PSPH: variants seen among roughly 807,000 people sequenced by gnomAD.
PSPH encodes phosphoserine phosphatase, also known as L-3-phosphoserine phosphatase.
Under a neutral mutation model 23.4 loss-of-function variants are expected in PSPH, and 16 were observed. The observed-to-expected ratio is 0.68, with a 90% CI of 0.46 to 1.04. The LOEUF (loss-of-function observed/expected upper bound fraction) is 1.04. Among genes scored for constraint, PSPH ranks in the 50% least tolerant of loss-of-function variants. PSPH has a pLI of 0.00. For missense variants in PSPH, 223 were observed against 273.7 expected (o/e 0.81, Z 1.31); for synonymous variants, 68 against 99.7 (o/e 0.68, Z 1.89).
intron 1 of PSPH, among the ~76,000 whole-genome samples, chr7:56,042,218 C>CAAA (rs34436132): frequency 0.025 from 1,638 of 66,380 alleles, 32 homozygotes; most frequent in Admixed American, 0.068. Context: ...GATTCTGTCT[C>CAAA]AAAAAAAAAA....
At chr7:56,032,462 C>T (rs1791138485) in intron 2 of PSPH, among the ~76,000 whole-genome samples, 1 of 148,586 alleles carries the variant, frequency 6.7e-6, no homozygotes, top group East Asian at 2.0e-4. Flanking sequence ...TCAGGACCAT[C>T]CTGGCTAACA....
intron 7 of PSPH, among the ~76,000 whole-genome samples, chr7:56,012,384 G>A (rs1377489357): frequency 2.6e-5 from 4 of 151,872 alleles, no homozygotes; most frequent in African/African-American, 9.7e-5. Flanking sequence ...GTTTTGCCAC[G>A]TTGCTCAGCT....
chr7:56,049,956 G>A (rs988569499), intron 1 of PSPH, among the ~76,000 whole-genome samples: 2 of 151,876 alleles, frequency 1.3e-5, no homozygotes, highest in Middle Eastern at 3.2e-3. Flanking sequence ...GGATGGTCTT[G>A]AACTCCTGAC....
intron 1 of PSPH, among the ~76,000 whole-genome samples, chr7:56,042,982 A>C (rs777596704): frequency 1.2e-4 from 18 of 152,184 alleles, no homozygotes; most frequent in Non-Finnish European, 2.5e-4. Flanking sequence ...AAAAAATGAT[A>C]GTTGGCGGGG....
chr7:56,013,603 C>G (rs1459692875), intron 7 of PSPH, among the ~76,000 whole-genome samples: 2 of 151,984 alleles, frequency 1.3e-5, no homozygotes, highest in Non-Finnish European at 2.9e-5. Context: ...CAGTGGCACA[C>G]ACCTGTAATC....
intron 3 of PSPH, among the ~76,000 whole-genome samples, chr7:56,027,211 CAA>C (rs11322718): frequency 0.012 from 1,379 of 115,412 alleles, 10 homozygotes; most frequent in Middle Eastern, 0.024. Context: ...GTCTCAAAAA[CAA>C]AAAAAAAAAA....
intron 1 of PSPH, among the ~76,000 whole-genome samples, chr7:56,040,497 G>C (rs1433881897): frequency 1.3e-5 from 2 of 152,028 alleles, no homozygotes; most frequent in African/African-American, 4.8e-5. Context: ...GGGTTCAAGC[G>C]ATGGGATTTT....
chr7:56,028,658 G>C (rs1424102943), intron 3 of PSPH, among the ~76,000 whole-genome samples: 4 of 152,062 alleles, frequency 2.6e-5, no homozygotes, highest in African/African-American at 9.7e-5. Flanking sequence ...GGTCAGGCCA[G>C]GGGAGATGGC....
intron 1 of PSPH, among the ~76,000 whole-genome samples, chr7:56,034,549 T>C (rs1791466446): frequency 6.6e-6 from 1 of 152,144 alleles, no homozygotes; most frequent in African/African-American, 2.4e-5. Context: ...GGAGTCTCGC[T>C]CTGTCGCCTG....
At chr7:56,022,279 A>G (rs1023587407) in intron 3 of PSPH, among the ~76,000 whole-genome samples, 2 of 152,036 alleles carry the variant, frequency 1.3e-5, no homozygotes, top group Admixed American at 6.6e-5. Flanking sequence ...AGCTGCAGTG[A>G]GCTGAGATCG....
chr7:56,014,901 C>T (rs1788380309), intron 7 of PSPH, 122 bp downstream of exon 7: 3 of 1,051,456 alleles, frequency 2.9e-6, no homozygotes, highest in Middle Eastern at 6.5e-4. Context: ...TGAGATCACG[C>T]CACTGCACTC....
chr7:56,041,858 G>A (rs1328469438), intron 1 of PSPH, among the ~76,000 whole-genome samples: 1 of 151,954 alleles, frequency 6.6e-6, no homozygotes, highest in Non-Finnish European at 1.5e-5. Context: ...GGGAGGCAGA[G>A]GTTGCAGTCA....
intron 1 of PSPH, among the ~76,000 whole-genome samples, chr7:56,050,364 C>G (rs1296673944): frequency 1.3e-5 from 2 of 152,126 alleles, no homozygotes; most frequent in African/African-American, 4.8e-5. Flanking sequence ...CTCCCAGATT[C>G]CAGCAATCCT....
chr7:56,050,417 C>A (rs1391352139), intron 1 of PSPH, among the ~76,000 whole-genome samples: 1 of 152,146 alleles, frequency 6.6e-6, no homozygotes, highest in South Asian at 2.1e-4. Context: ...AGACGTGCAC[C>A]ACCACGCCTG....
At position 56,011,892 on chromosome 7, in the gene PSPH, G is replaced by C. The variant is rs758582546; in HGVS notation, c.571-23C>G. 5.3e-5 allele frequency: 82 copies of C among 1,550,858 alleles called. 1 individual carries two copies. The Middle Eastern group carries it at 1.5e-3, about 29-fold the overall frequency. On this transcript the variant is annotated intron_variant, in intron 7 of 7. Transcript: ENST00000275605. ...ATCCTAAGAAGGAAGAAAAGAGAGA[G>C]AAATGATTTTTATTTTTATTTATTT...
chr7:56,048,882 T>C (rs183042107), intron 1 of PSPH, among the ~76,000 whole-genome samples: 2 of 151,656 alleles, frequency 1.3e-5, no homozygotes, highest in African/African-American at 4.8e-5. Flanking sequence ...CCATGGTGGT[T>C]TGCTGCACCC....
chr7:56,038,254 C>G (rs200777701), intron 1 of PSPH, among the ~76,000 whole-genome samples: 1 of 143,484 alleles, frequency 7.0e-6, no homozygotes, highest in African/African-American at 2.6e-5. Context: ...CTGGCTAACA[C>G]GGTGAAACCC....
At chr7:56,044,915 A>AG (rs1173404606) in intron 1 of PSPH, among the ~76,000 whole-genome samples, 2 of 147,648 alleles carry the variant, frequency 1.4e-5, no homozygotes, top group Non-Finnish European at 3.0e-5. Context: ...CTCTACTAAA[A>AG]TACAAAATTA....
intron 1 of PSPH, among the ~76,000 whole-genome samples, chr7:56,046,981 G>A (rs992983759): frequency 2.0e-5 from 3 of 152,100 alleles, no homozygotes; most frequent in African/African-American, 7.2e-5. Context: ...CAGATAAAGA[G>A]CATTCTTGGG....
Sources: gnomAD v4.1 joint callset for allele counts (sites outside exome capture counted in the v4.1 genomes callset) on GRCh38, gnomAD v4.1.1 for gene constraint, MANE v1.5 for transcripts, NCBI Gene and HGNC (gene_info 2026-07-23, HGNC 2026-07-21) for gene names.